Variants in SIN3A observed in about 807,000 individuals in gnomAD.
SIN3A encodes the protein paired amphipathic helix protein Sin3a.
A neutral mutation model predicts 146.1 loss-of-function variants in SIN3A; 14 were observed. That is an observed-to-expected ratio of 0.10 (90% confidence interval 0.06 to 0.15). SIN3A has a LOEUF of 0.15. SIN3A is among the 10% of genes least tolerant of loss of function. SIN3A has a pLI of 1.00. For synonymous variants in SIN3A, 572 were observed against 572.0 expected (o/e 1.00, Z 0.00); for missense variants, 1,028 against 1,576.0 (o/e 0.65, Z 5.89).
rs1361393741 is a variant in SIN3A at position 75,449,032 on chromosome 15, C to A, written c.-34+2391G>T. On this transcript the variant is annotated intron_variant, in intron 1 of 20. Transcript: ENST00000394947. Reference sequence around the variant, plus strand: ...ATTTATGAAAATGTTCCTAATACAGCAAAACCAGGTTCTTACTTGAATCCT... The same window carrying A: ...ATTTATGAAAATGTTCCTAATACAGAAAAACCAGGTTCTTACTTGAATCCT... Among the ~76,000 whole-genome samples, 5 of 152,300 alleles carry A rather than the reference C, an allele frequency of 3.3e-5. No homozygotes were observed. In the East Asian group the frequency reaches 9.6e-4, roughly 29 times the overall value.
rs760381385 is a variant in SIN3A at position 75,371,940 on chromosome 15, C to A, written c.*39G>T. 8.3e-6 allele frequency: 13 copies of A among 1,567,222 alleles called. No homozygotes were observed. Among genetic ancestry groups the A allele is most frequent in the Non-Finnish European group, 1.1e-5 (13 of 1,138,096 alleles). ...TGAGTGCATAGGCCCACACACACAT[C>A]CCCACACACACCCCAAGTTATCTGC... On this transcript the variant is annotated 3_prime_UTR_variant, in exon 21 of 21. Transcript: ENST00000394947.
At chr15:75,373,802 T>A (rs1007915820) in intron 20 of SIN3A, among the ~76,000 whole-genome samples, 1 of 151,650 alleles carries the variant, frequency 6.6e-6, no homozygotes, top group Non-Finnish European at 1.5e-5. Flanking sequence ...ATATAATACA[T>A]ACAACATACA....
At chr15:75,411,397 T>C in intron 6 of SIN3A, 95 bp downstream of exon 6, 1 of 1,261,292 alleles carries the variant, frequency 7.9e-7, no homozygotes, top group Non-Finnish European at 1.1e-6. Flanking sequence ...TAATTTCCAG[T>C]ATGAATTAAT....
rs2073231951 is a variant in SIN3A, at chr15:75,392,803, C to T, written c.2290G>A (p.Ala764Thr). The change falls in exon 15 of 21, where the codon GCT becomes ACT. Residue 764 changes from alanine (A) to threonine (T), a missense_variant. By Grantham distance (58) the Ala-to-Thr change is moderately conservative. Around this residue, in one of 9 missense-constraint regions of SIN3A, gnomAD observed 488 missense variants for 690.2 expected, o/e 0.71. Coordinates refer to ENST00000394947, the MANE Select transcript of SIN3A (RefSeq NM_001145358.2). Reference protein sequence around the residue: ...ESIYDERQEQATEENAGVPVG... With the variant: ...ESIYDERQEQTTEENAGVPVG... Reference sequence around the variant, plus strand: ...GGTACACCAGCATTCTCCTCCGTAGCCTGCTCTTGCCTCTGATGGGACAGA... The same window carrying T: ...GGTACACCAGCATTCTCCTCCGTAGTCTGCTCTTGCCTCTGATGGGACAGA... 6.2e-7 allele frequency: 1 copy of T among 1,607,250 alleles called. No homozygotes were observed. The highest frequency in any genetic ancestry group is 1.1e-5 in the South Asian group (1 of 90,466).
chr15:75,412,581 CTAAG>C (rs1212221792), intron 5 of SIN3A, among the ~76,000 whole-genome samples, 178 bp downstream of exon 5: 4 of 152,228 alleles, frequency 2.6e-5, no homozygotes, highest in South Asian at 4.1e-4. Context: ...AAATAGATAC[CTAAG>C]TAAGTGATGT....
chr15:75,382,476 C>T (rs772007459), intron 17 of SIN3A, among the ~76,000 whole-genome samples: 17 of 152,252 alleles, frequency 1.1e-4, no homozygotes, highest in Middle Eastern at 3.4e-3. Context: ...GTGGGTTGGA[C>T]GTCTAGGATG....
chr15:75,436,687 T>C (rs1280976721), intron 1 of SIN3A, among the ~76,000 whole-genome samples: 2 of 151,914 alleles, frequency 1.3e-5, no homozygotes, highest in Non-Finnish European at 2.9e-5. Flanking sequence ...TAAAATTCTA[T>C]CAACTTTGTT....
At position 75,395,926 on chromosome 15, in the gene SIN3A, A is replaced by C. The variant is rs2073294045; in HGVS notation, c.2093+332T>G. Among the ~76,000 whole-genome samples the C allele has an allele frequency of 3.9e-5, 6 of 152,098 alleles. No homozygotes were observed. The South Asian group carries it at 1.0e-3, about 26-fold the overall frequency. ...TCTCAAAACAAAACAAAACAAAAAC[A>C]AACAAACCACAAAGATGTTAACAAC... On this transcript the variant is annotated intron_variant, in intron 13 of 20. Transcript: ENST00000394947.
At position 75,371,691 on chromosome 15, in the gene SIN3A, A is replaced by T. The variant is rs1389260502; in HGVS notation, c.*288T>A. On this transcript the variant is annotated 3_prime_UTR_variant, in exon 21 of 21. Coordinates refer to ENST00000394947, the MANE Select transcript of SIN3A (RefSeq NM_001145358.2). ...AGTCTTAGCTCTGCTGGTGTGTGCA[A>T]GCAAACTGCATGTCTTTGCTTGCAT... 2.4e-6 allele frequency: 1 copy of T among 411,302 alleles called. No individual in the cohort carries two copies. Among genetic ancestry groups the T allele is most frequent in the East Asian group, 4.2e-5 (1 of 23,560 alleles). The allele number at this position is 411,302 out of a possible 1,614,324, so 25.5% of individuals were successfully genotyped here.
chr15:75,408,625 A>G (rs75824578), intron 8 of SIN3A, among the ~76,000 whole-genome samples: 45 of 152,362 alleles, frequency 3.0e-4, no homozygotes, highest in African/African-American at 1.0e-3. Context: ...TTCTGCAGGC[A>G]GACCATCAGT....
At chr15:75,441,090 G>A (rs946873592) in intron 1 of SIN3A, among the ~76,000 whole-genome samples, 1 of 151,596 alleles carries the variant, frequency 6.6e-6, no homozygotes, top group African/African-American at 2.4e-5. Flanking sequence ...GGTAGATCAC[G>A]TGAGGTGAGG....
At chr15:75,385,806 G>C (rs1156606433) in intron 16 of SIN3A, among the ~76,000 whole-genome samples, 2 of 152,200 alleles carry the variant, frequency 1.3e-5, no homozygotes, top group Non-Finnish European at 2.9e-5. Flanking sequence ...AACGGTGACT[G>C]AGTGTGGCAG....
chr15:75,416,848 G>C (rs1264690230), intron 3 of SIN3A, among the ~76,000 whole-genome samples: 1 of 152,218 alleles, frequency 6.6e-6, no homozygotes, highest in African/African-American at 2.4e-5. Context: ...CCTCAAAAGA[G>C]CAGTGGTTGC....
chr15:75,433,577 G>C (rs529853999), intron 1 of SIN3A, among the ~76,000 whole-genome samples: 2 of 151,944 alleles, frequency 1.3e-5, no homozygotes, highest in African/African-American at 4.8e-5. Flanking sequence ...CTCATAGGCC[G>C]GGCGTGGTGG....
chr15:75,451,053 C>A (rs1465645359), intron 1 of SIN3A, among the ~76,000 whole-genome samples: 1 of 150,460 alleles, frequency 6.6e-6, no homozygotes. Context: ...GGCCAGAGCG[C>A]GGCCGCCAGC....
chr15:75,413,886 C>G (rs945560439), intron 4 of SIN3A, among the ~76,000 whole-genome samples: 2 of 152,142 alleles, frequency 1.3e-5, no homozygotes, highest in South Asian at 2.1e-4. Context: ...TACACTCTTA[C>G]AACAGTGAAC....
intron 20 of SIN3A, among the ~76,000 whole-genome samples, chr15:75,372,719 G>A (rs1178367547): frequency 6.6e-6 from 1 of 151,094 alleles, no homozygotes; most frequent in African/African-American, 2.4e-5. Context: ...TACTTGGTAG[G>A]CTGAAGTGGG....
At chr15:75,442,049 G>A (rs374666196) in intron 1 of SIN3A, among the ~76,000 whole-genome samples, 85 of 138,816 alleles carry the variant, frequency 6.1e-4, no homozygotes, top group African/African-American at 2.3e-3. Context: ...GAACCCAGGA[G>A]GCAGAGGTTG....
At chr15:75,375,935 A>G (rs2072847224) in intron 19 of SIN3A, 63 bp from the exon 20 acceptor site, 2 of 1,529,398 alleles carry the variant, frequency 1.3e-6, no homozygotes. Context: ...TGACTTCCCC[A>G]AAGTGAGTTT....
Sources: gnomAD v4.1 joint callset for allele counts (sites outside exome capture counted in the v4.1 genomes callset) on GRCh38, gnomAD v4.1.1 for gene constraint, gnomAD v4.1.1 regional missense constraint, MANE v1.5 for transcripts, NCBI Gene and HGNC (gene_info 2026-07-23, HGNC 2026-07-21) for gene names.